The following THSD4 variants were observed in gnomAD, a reference collection of about 807,000 sequenced individuals.
THSD4 encodes thrombospondin type-1 domain-containing protein 4.
In THSD4, 69 loss-of-function variants were observed where a neutral mutation model predicts 119.0. The ratio of observed to expected loss-of-function variants is 0.58; its 90% CI spans 0.48 to 0.71. The LOEUF is 0.71. THSD4 is among the 30% of genes least tolerant of loss of function. The pLI, the probability that THSD4 is intolerant of heterozygous loss-of-function variation, is 0.00. For synonymous variants in THSD4, 524 were observed against 540.4 expected (o/e 0.97, Z 0.42); for missense variants, 1,393 against 1,391.1 (o/e 1.00, Z -0.02).
intron 13 of THSD4, among the ~76,000 whole-genome samples, chr15:71,747,558 T>A (rs1157782250): frequency 6.6e-6 from 1 of 152,120 alleles, no homozygotes; most frequent in Non-Finnish European, 1.5e-5. Context: ...TAGAAGAAAG[T>A]TTAGGAGAGG....
chr15:71,449,994 G>A (rs2047240305), intron 7 of THSD4, among the ~76,000 whole-genome samples: 4 of 152,226 alleles, frequency 2.6e-5, no homozygotes, highest in Admixed American at 2.0e-4. Context: ...ATGCAAAGAG[G>A]TGGATTGGGA....
intron 7 of THSD4, among the ~76,000 whole-genome samples, chr15:71,573,532 T>G (rs558858003): frequency 3.0e-4 from 46 of 152,350 alleles, no homozygotes; most frequent in African/African-American, 1.1e-3. Context: ...AATTACACAG[T>G]TTGGTTCTAT....
At chr15:71,399,877 G>A (rs1356997098) in intron 6 of THSD4, among the ~76,000 whole-genome samples, 8 of 152,158 alleles carry the variant, frequency 5.3e-5, no homozygotes, top group Admixed American at 3.3e-4. Context: ...CTGAATCAGA[G>A]TGTTGTGGAA....
chr15:71,271,988 A>G (rs117151034), intron 6 of THSD4, among the ~76,000 whole-genome samples: 16 of 152,344 alleles, frequency 1.1e-4, no homozygotes, highest in East Asian at 9.6e-4. Context: ...CAATGAATAG[A>G]GTGAAAAGAC....
intron 6 of THSD4, among the ~76,000 whole-genome samples, chr15:71,292,600 A>G (rs1290123136): frequency 6.6e-6 from 1 of 151,508 alleles, no homozygotes; most frequent in African/African-American, 2.4e-5. Context: ...TTTCCTTCAC[A>G]TAGCATTCTG....
In THSD4 at chr15:71,212,254, T is replaced by C. The variant is rs548310866; in HGVS notation, c.100-2781T>C. Among the ~76,000 whole-genome samples, 9 of 152,342 alleles carry C rather than the reference T, an allele frequency of 5.9e-5. No individual in the cohort carries two copies. In the East Asian group the frequency reaches 1.2e-3, roughly 20 times the overall value. ...ACTATAAAAATGCAATTCTGGAGCA[T>C]GTGGTTAGTTTCTCACCATGGGGAC... On this transcript the variant is annotated intron_variant, in intron 3 of 17. Transcript: ENST00000261862.
intron 2 of THSD4, 66 bp downstream of exon 2, chr15:71,141,622 G>C: frequency 6.6e-7 from 1 of 1,508,732 alleles, no homozygotes; most frequent in South Asian, 1.2e-5. Context: ...ATTTTACTCT[G>C]TCATTTCTTA....
At chr15:71,605,456 C>A (rs1419160237) in intron 7 of THSD4, among the ~76,000 whole-genome samples, 1 of 152,196 alleles carries the variant, frequency 6.6e-6, no homozygotes, top group African/African-American at 2.4e-5. Context: ...GTGTGGGGAA[C>A]AGACAATAAG....
intron 4 of THSD4, among the ~76,000 whole-genome samples, chr15:71,225,551 C>CTT (rs748966344): frequency 7.3e-5 from 3 of 41,230 alleles, no homozygotes; most frequent in Admixed American, 3.0e-4. Context: ...TTTTTTTTTT[C>CTT]TTTTTTTTTT....
At chr15:71,491,554 C>T (rs2047919822) in intron 7 of THSD4, among the ~76,000 whole-genome samples, 1 of 152,204 alleles carries the variant, frequency 6.6e-6, no homozygotes, top group Non-Finnish European at 1.5e-5. Context: ...CAACTTTGGA[C>T]TTCCCAGCCT....
chr15:71,519,059 G>A (rs1455917685), intron 7 of THSD4, among the ~76,000 whole-genome samples: 2 of 152,162 alleles, frequency 1.3e-5, no homozygotes, highest in Non-Finnish European at 2.9e-5. Flanking sequence ...GTGAATATGG[G>A]GCTGCTTTAT....
At chr15:71,414,609 A>T (rs2046734710) in intron 7 of THSD4, among the ~76,000 whole-genome samples, 1 of 152,238 alleles carries the variant, frequency 6.6e-6, no homozygotes, top group African/African-American at 2.4e-5. Context: ...GGAATATGAA[A>T]TGTGGTCTCT....
rs187132370 is a variant in THSD4, at chr15:71,185,231, T to A, written c.100-29804T>A. On this transcript the variant is annotated intron_variant, in intron 3 of 17. Coordinates refer to ENST00000261862, the MANE Select transcript of THSD4 (RefSeq NM_024817.3). ...ATTCCTTATAAGCCAAATATAAAGA[T>A]CTTAGGGTGGAAAAAGAGTTATACC... Among the ~76,000 whole-genome samples, 250 of 151,896 alleles carry A rather than the reference T, an allele frequency of 1.6e-3. 7 individuals carry two copies. The highest frequency in any genetic ancestry group is 2.7e-3 in the Non-Finnish European group (180 of 67,900).
intron 7 of THSD4, among the ~76,000 whole-genome samples, chr15:71,628,429 C>G (rs189696575): frequency 3.3e-5 from 5 of 152,248 alleles, no homozygotes; most frequent in African/African-American, 1.2e-4. Context: ...GAGAAATTAA[C>G]TTATCCAAGG....
intron 6 of THSD4, among the ~76,000 whole-genome samples, chr15:71,399,718 C>T (rs1418087989): frequency 6.6e-6 from 1 of 152,162 alleles, no homozygotes; most frequent in Non-Finnish European, 1.5e-5. Flanking sequence ...ACTGGCATCA[C>T]CTGGGAACTT....
At chr15:71,588,888 A>G (rs987307437) in intron 7 of THSD4, among the ~76,000 whole-genome samples, 2 of 152,148 alleles carry the variant, frequency 1.3e-5, no homozygotes, top group Non-Finnish European at 2.9e-5. Context: ...GGAACAAGCA[A>G]TGTGTGTTGT....
At chr15:71,350,524 G>C (rs983188896) in intron 6 of THSD4, among the ~76,000 whole-genome samples, 3 of 151,988 alleles carry the variant, frequency 2.0e-5, no homozygotes, top group South Asian at 2.1e-4. Flanking sequence ...CCAAGGTGTT[G>C]CAACTCCTAA....
intron 8 of THSD4, among the ~76,000 whole-genome samples, chr15:71,717,967 A>C (rs1397745792): frequency 3.9e-5 from 6 of 152,094 alleles, no homozygotes; most frequent in Non-Finnish European, 8.8e-5. Context: ...TGGGTAACAA[A>C]GCAAGTCCCT....
chr15:71,422,116 A>G (rs2046816736), intron 7 of THSD4, among the ~76,000 whole-genome samples: 1 of 152,166 alleles, frequency 6.6e-6, no homozygotes, highest in Non-Finnish European at 1.5e-5. Context: ...TCCTGACTGA[A>G]AGGTTACATA....
Sources: allele counts gnomAD v4.1 joint callset (sites outside exome capture counted in the v4.1 genomes callset), GRCh38; gene constraint gnomAD v4.1.1; transcripts MANE v1.5; gene names NCBI Gene and HGNC (gene_info 2026-07-23, HGNC 2026-07-21).